The following SPATA17 variants were observed in gnomAD, a reference collection of about 807,000 sequenced individuals.
The protein encoded by SPATA17 is spermatogenesis associated 17.
In SPATA17, 53 loss-of-function variants were observed where a neutral mutation model predicts 62.2. The observed-to-expected ratio is 0.85, with a 90% CI of 0.68 to 1.07. SPATA17 has a LOEUF of 1.07. Among genes scored for constraint, SPATA17 ranks in the 50% least tolerant of loss-of-function variants. The probability of loss-of-function intolerance (pLI) is 0.00; values close to 1 mark genes in which losing one functional copy is unlikely to be tolerated. For synonymous variants in SPATA17, 146 were observed against 146.8 expected (o/e 0.99, Z 0.04); for missense variants, 466 against 425.5 (o/e 1.10, Z -0.84).
chr1:217,867,815 G>A lies in SPATA17; in HGVS notation c.*796G>A, dbSNP rs1421932027. ...CTTTACAATAAAACTTCCTGCTAGA[G>A]GTATCCTGAGGGAATCTTTGTTTCT... On this transcript the variant is annotated 3_prime_UTR_variant, in exon 11 of 11. Transcript: ENST00000366933. The A allele has an allele frequency of 6.6e-6, 1 of 152,258 alleles. No homozygotes were observed. Among genetic ancestry groups the A allele is most frequent in the South Asian group, 2.1e-4 (1 of 4,824 alleles). The allele number at this position is 152,258 out of a possible 1,614,324, so 9.4% of individuals were successfully genotyped here.
At chr1:217,823,506 C>T (rs1472670065) in intron 9 of SPATA17, among the ~76,000 whole-genome samples, 2 of 151,906 alleles carry the variant, frequency 1.3e-5, no homozygotes, top group Non-Finnish European at 2.9e-5. Flanking sequence ...AGACTCAGGA[C>T]TCTGTGGACA....
intron 6 of SPATA17, among the ~76,000 whole-genome samples, chr1:217,769,776 CTATTCCTTCT>C (rs1673391908): frequency 6.6e-6 from 1 of 152,086 alleles, no homozygotes; most frequent in Non-Finnish European, 1.5e-5. Flanking sequence ...CATGAAATTC[CTATTCCTTCT>C]GGGGTACTAT....
At chr1:217,732,590 A>G (rs2102942130) in intron 5 of SPATA17, among the ~76,000 whole-genome samples, 1 of 152,292 alleles carries the variant, frequency 6.6e-6, no homozygotes, top group East Asian at 1.9e-4. Context: ...CACTGTGAAG[A>G]TGGGCAATGG....
At chr1:217,743,537 A>G (rs1672674582) in intron 6 of SPATA17, among the ~76,000 whole-genome samples, 1 of 152,122 alleles carries the variant, frequency 6.6e-6, no homozygotes, top group Non-Finnish European at 1.5e-5. Context: ...TATGAGTTCT[A>G]GTTGTGCTAT....
rs143169651 is a variant in SPATA17, at chr1:217,709,705, T to C, written c.395+26344T>C. 4.6e-5 allele frequency among the ~76,000 whole-genome samples: 7 copies of C among 152,320 alleles called. No individual in the cohort carries two copies. In the East Asian group the frequency reaches 1.4e-3, roughly 29 times the overall value. On this transcript the variant is annotated intron_variant, in intron 5 of 10. Transcript: ENST00000366933. Reference sequence around the variant, plus strand: ...CCAGAGTGGGGATCATTGGAGACCATTTTAGAGGCAGTCTTGTCTTTCACA... The same window carrying C: ...CCAGAGTGGGGATCATTGGAGACCACTTTAGAGGCAGTCTTGTCTTTCACA...
At chr1:217,760,522 C>A (rs2102962628) in intron 6 of SPATA17, among the ~76,000 whole-genome samples, 1 of 152,208 alleles carries the variant, frequency 6.6e-6, no homozygotes, top group South Asian at 2.1e-4. Flanking sequence ...CATCTGGATA[C>A]AAGATTGTGG....
chr1:217,776,067 T>C (rs915278066), intron 7 of SPATA17, among the ~76,000 whole-genome samples: 4 of 152,180 alleles, frequency 2.6e-5, no homozygotes, highest in African/African-American at 4.8e-5. Flanking sequence ...AAAACTTGGG[T>C]TTGAGTAATT....
chr1:217,701,834 T>C (rs949914321), intron 5 of SPATA17, among the ~76,000 whole-genome samples: 1 of 152,200 alleles, frequency 6.6e-6, no homozygotes, highest in Non-Finnish European at 1.5e-5. Flanking sequence ...TTAAATCTGC[T>C]CTCAATGTGC....
intron 8 of SPATA17, among the ~76,000 whole-genome samples, chr1:217,792,393 G>C (rs1674016183): frequency 1.3e-5 from 2 of 152,106 alleles, no homozygotes; most frequent in Non-Finnish European, 2.9e-5. Context: ...GATGAGTAGG[G>C]GGCTGTAAAG....
intron 9 of SPATA17, among the ~76,000 whole-genome samples, chr1:217,807,912 C>A (rs1305364309): frequency 6.6e-6 from 1 of 152,118 alleles, no homozygotes; most frequent in East Asian, 1.9e-4. Flanking sequence ...AGTTGAGATA[C>A]TTTCCTGAAA....
chr1:217,816,180 C>G (rs938016359), intron 9 of SPATA17, among the ~76,000 whole-genome samples: 1 of 151,856 alleles, frequency 6.6e-6, no homozygotes, highest in African/African-American at 2.4e-5. Flanking sequence ...TATACTGAGT[C>G]TTAGCATTCA....
intron 3 of SPATA17, among the ~76,000 whole-genome samples, chr1:217,656,044 C>T (rs933829360): frequency 8.6e-5 from 13 of 151,924 alleles, no homozygotes; most frequent in South Asian, 2.1e-4. Flanking sequence ...CCCCCACGCC[C>T]GGCTAGTTTT....
Position 217,669,048 on chromosome 1 carries a change from A to T in SPATA17, c.256A>T (p.Met86Leu). 1 of 1,611,854 alleles carries T rather than the reference A, an allele frequency of 6.2e-7. No individual in the cohort carries two copies. Among genetic ancestry groups the T allele is most frequent in the Non-Finnish European group, 8.5e-7 (1 of 1,179,170 alleles). ...QLTVQVAYYT[M>L]MMNLYNAMAV... Reference sequence around the variant, plus strand: ...TGATTCACAGGTAGCATATTATACTATGATGATGAATCTCTACAATGCAAT... The same window carrying T: ...TGATTCACAGGTAGCATATTATACTTTGATGATGAATCTCTACAATGCAAT... The change falls in exon 4 of 11, where the codon ATG becomes TTG. Residue 86 changes from methionine to leucine, a missense_variant. Physicochemically the swap from Met to Leu is conservative, Grantham distance 15. Coordinates refer to ENST00000366933, the MANE Select transcript of SPATA17 (RefSeq NM_138796.4).
At chr1:217,801,424 ATAAT>A (rs879664905) in intron 8 of SPATA17, among the ~76,000 whole-genome samples, 1 of 152,226 alleles carries the variant, frequency 6.6e-6, no homozygotes, top group Non-Finnish European at 1.5e-5. Flanking sequence ...AGTTTTTGGC[ATAAT>A]TAATTCATAA....
At chr1:217,710,348 G>A (rs991201418) in intron 5 of SPATA17, among the ~76,000 whole-genome samples, 1 of 151,952 alleles carries the variant, frequency 6.6e-6, no homozygotes, top group Non-Finnish European at 1.5e-5. Context: ...GTTACAGATT[G>A]GTAGCATTAA....
chr1:217,841,178 T>C (rs1675387658), intron 9 of SPATA17, among the ~76,000 whole-genome samples: 1 of 152,018 alleles, frequency 6.6e-6, no homozygotes, highest in African/African-American at 2.4e-5. Flanking sequence ...AAGTAAGGTA[T>C]GATATGAAGT....
intron 5 of SPATA17, among the ~76,000 whole-genome samples, chr1:217,724,282 A>G (rs1672204937): frequency 6.6e-6 from 1 of 152,158 alleles, no homozygotes; most frequent in Non-Finnish European, 1.5e-5. Flanking sequence ...GTTTTGGGTA[A>G]AAGTTTAAAC....
intron 6 of SPATA17, among the ~76,000 whole-genome samples, chr1:217,744,172 A>G (rs892133485): frequency 8.7e-6 from 1 of 114,636 alleles, no homozygotes; most frequent in Admixed American, 7.9e-5. Flanking sequence ...GGTTTGACAA[A>G]GAATTTTCGG....
At chr1:217,783,287 T>C (rs78587040) in intron 8 of SPATA17, among the ~76,000 whole-genome samples, 1,647 of 151,944 alleles carry the variant, frequency 0.011, 21 homozygotes, top group African/African-American at 0.038. Context: ...TTATAAGTTA[T>C]ATATACATGT....
Sources: gnomAD v4.1 joint callset for allele counts (sites outside exome capture counted in the v4.1 genomes callset) on GRCh38, gnomAD v4.1.1 for gene constraint, MANE v1.5 for transcripts, NCBI Gene and HGNC (gene_info 2026-07-23, HGNC 2026-07-21) for gene names.